Variants in ABCA13 observed in about 807,000 individuals in gnomAD.
ABCA13 encodes the protein ATP-binding cassette sub-family A member 13.
A neutral mutation model predicts 478.7 loss-of-function variants in ABCA13; 476 were observed. The observed-to-expected ratio is 0.99, with a 90% confidence interval of 0.92 to 1.07. The LOEUF is 1.07. Ranked by LOEUF, ABCA13 falls within the 50% of genes least tolerant of loss-of-function variation. The pLI is 0.00. For synonymous variants in ABCA13, 2,252 were observed against 2,158.9 expected (o/e 1.04, Z -1.20); for missense variants, 6,060 against 5,910.6 (o/e 1.03, Z -0.83).
At chr7:48,434,578 C>T (rs1822574867) in intron 42 of ABCA13, among the ~76,000 whole-genome samples, 1 of 152,024 alleles carries the variant, frequency 6.6e-6, no homozygotes, top group East Asian at 1.9e-4. Flanking sequence ...CCCAAAAAAT[C>T]ACTGGCAACT....
chr7:48,553,861 G>T (rs112792258), intron 55 of ABCA13, among the ~76,000 whole-genome samples: 1 of 151,854 alleles, frequency 6.6e-6, no homozygotes, highest in Admixed American at 6.6e-5. Flanking sequence ...TGTGTTCGTG[G>T]GGTATTACTC....
intron 55 of ABCA13, among the ~76,000 whole-genome samples, chr7:48,553,693 A>G (rs952996331): frequency 2.0e-5 from 3 of 151,948 alleles, no homozygotes; most frequent in East Asian, 3.9e-4. Context: ...TGAACTTGTT[A>G]TGTATTCTGG....
intron 3 of ABCA13, among the ~76,000 whole-genome samples, chr7:48,209,064 T>C (rs945781780): frequency 1.3e-5 from 2 of 152,156 alleles, no homozygotes; most frequent in African/African-American, 4.8e-5. Context: ...TATGATTATA[T>C]AGTTTTTGTC....
chr7:48,229,288 A>G (rs1333013915), intron 6 of ABCA13, among the ~76,000 whole-genome samples: 1 of 152,184 alleles, frequency 6.6e-6, no homozygotes, highest in East Asian at 1.9e-4. Context: ...CCCTCCCCAA[A>G]GCTCCTTGTT....
At chr7:48,245,460 A>C in intron 11 of ABCA13, 52 bp from the exon 12 acceptor site, 1 of 1,435,670 alleles carries the variant, frequency 7.0e-7, no homozygotes. Context: ...CATGTATAAA[A>C]GTCAAGCTTA....
intron 58 of ABCA13, among the ~76,000 whole-genome samples, chr7:48,597,728 A>C (rs1012379187): frequency 7.2e-5 from 11 of 152,128 alleles, no homozygotes; most frequent in African/African-American, 2.4e-4. Flanking sequence ...TATTTGTATT[A>C]CTTCTTTAGT....
intron 24 of ABCA13, among the ~76,000 whole-genome samples, chr7:48,312,414 A>G (rs944651730): frequency 6.6e-6 from 1 of 152,036 alleles, no homozygotes; most frequent in African/African-American, 2.4e-5. Context: ...GACAGAAGAA[A>G]AGCCTTGCCT....
At chr7:48,313,642 A>G (rs1322112154) in intron 25 of ABCA13, among the ~76,000 whole-genome samples, 1 of 152,250 alleles carries the variant, frequency 6.6e-6, no homozygotes, top group East Asian at 1.9e-4. Context: ...TTTACTGCAA[A>G]TGCAAACACA....
chr7:48,544,288 A>T (rs538553208), intron 55 of ABCA13, among the ~76,000 whole-genome samples: 7 of 151,764 alleles, frequency 4.6e-5, no homozygotes, highest in African/African-American at 1.7e-4. Context: ...CCAAGCCTAC[A>T]ACTCCTAAAA....
chr7:48,184,988 A>G (rs1038672890), intron 1 of ABCA13, among the ~76,000 whole-genome samples: 14 of 152,116 alleles, frequency 9.2e-5, no homozygotes, highest in Non-Finnish European at 1.8e-4. Flanking sequence ...AGGGCACACC[A>G]TCATGCCTGG....
chr7:48,517,411 G>T (rs554282512), intron 52 of ABCA13, among the ~76,000 whole-genome samples: 8 of 152,280 alleles, frequency 5.3e-5, no homozygotes, highest in South Asian at 2.1e-4. Flanking sequence ...AAGCATGGCA[G>T]CCAAGGGCTT....
chr7:48,410,998 T>A (rs1040166655), intron 40 of ABCA13, among the ~76,000 whole-genome samples: 1 of 106,098 alleles, frequency 9.4e-6, no homozygotes, highest in South Asian at 2.8e-4. Flanking sequence ...TTTCTTTCTT[T>A]CTTTCTTTCT....
chr7:48,284,995 T>G (rs1562966715), intron 19 of ABCA13, among the ~76,000 whole-genome samples: 1 of 152,176 alleles, frequency 6.6e-6, no homozygotes. Flanking sequence ...GTTCAGTATC[T>G]CCAGGAGGAA....
chr7:48,432,472 A>G (rs1160805504), intron 42 of ABCA13, among the ~76,000 whole-genome samples: 1 of 152,186 alleles, frequency 6.6e-6, no homozygotes, highest in Middle Eastern at 3.2e-3. Context: ...ATTACTTGGT[A>G]TATATCCAAG....
At chr7:48,639,112 C>T (rs1034063010) in intron 59 of ABCA13, among the ~76,000 whole-genome samples, 1 of 152,178 alleles carries the variant, frequency 6.6e-6, no homozygotes, top group Non-Finnish European at 1.5e-5. Context: ...CAGGACAGAG[C>T]TCATGTCCTC....
chr7:48,509,413 G>T (rs370632201), intron 50 of ABCA13, among the ~76,000 whole-genome samples: 1 of 152,236 alleles, frequency 6.6e-6, no homozygotes, highest in Non-Finnish European at 1.5e-5. Flanking sequence ...AAGGGAAGAA[G>T]TGTGTGGCAA....
chr7:48,234,121 G>A lies in ABCA13; in HGVS notation c.867G>A (p.Gln289=), dbSNP rs1218051153. The change falls in exon 8 of 62, where the codon CAG becomes CAA. Residue 289 remains glutamine, a synonymous_variant. Transcript: ENST00000435803. ...GCTTTGATGATCTTCACACGGAACAGATCCTGAACTCTTCAGCTGAACTGA... is the reference window on the plus strand; with the variant it reads ...GCTTTGATGATCTTCACACGGAACAAATCCTGAACTCTTCAGCTGAACTGA... ...QFGFDDLHTE[Q]ILNSSAELKE... 8.7e-6 allele frequency: 14 copies of A among 1,613,830 alleles called. No individual in the cohort carries two copies. Among genetic ancestry groups the A allele is most frequent in the Admixed American group, 3.3e-5 (2 of 59,998 alleles).
At chr7:48,331,216 G>A (rs922626323) in intron 27 of ABCA13, among the ~76,000 whole-genome samples, 1 of 152,172 alleles carries the variant, frequency 6.6e-6, no homozygotes, top group South Asian at 2.1e-4. Flanking sequence ...GCAAGTAAGA[G>A]AGGAATAAAT....
chr7:48,214,548 G>A (rs892798691), intron 3 of ABCA13, among the ~76,000 whole-genome samples: 15 of 152,308 alleles, frequency 9.8e-5, no homozygotes, highest in Non-Finnish European at 2.1e-4. Flanking sequence ...GTTGTTTAGT[G>A]TAGACACTTA....
Sources: gnomAD v4.1 joint callset for allele counts (sites outside exome capture counted in the v4.1 genomes callset) on GRCh38, gnomAD v4.1.1 for gene constraint, MANE v1.5 for transcripts, NCBI Gene and HGNC (gene_info 2026-07-23, HGNC 2026-07-21) for gene names.